Variants in BDP1 observed in about 807,000 individuals in gnomAD.
The protein encoded by BDP1 is transcription factor TFIIIB component B'' homolog.
In BDP1, 169 loss-of-function variants were observed where a neutral mutation model predicts 266.6. The observed-to-expected ratio is 0.63, with a 90% confidence interval of 0.56 to 0.72. BDP1 has a LOEUF of 0.72. Among genes scored for constraint, BDP1 ranks in the 30% least tolerant of loss-of-function variants. The probability of loss-of-function intolerance (pLI) is 0.00; values close to 1 mark genes in which losing one functional copy is unlikely to be tolerated. For synonymous variants in BDP1, 1,090 were observed against 1,022.4 expected (o/e 1.07, Z -1.26); for missense variants, 3,015 against 3,053.8 (o/e 0.99, Z 0.30).
chr5:71,463,923 G>A (rs1344330206), intron 3 of BDP1, 135 bp from the exon 4 acceptor site: 7 of 554,918 alleles, frequency 1.3e-5, no homozygotes, highest in Non-Finnish European at 2.2e-5. Context: ...TTGTTGGATT[G>A]TACTGTCATT....
At chr5:71,525,407 C>T in intron 25 of BDP1, among the ~76,000 whole-genome samples, 1 of 135,946 alleles carries the variant, frequency 7.4e-6, no homozygotes, top group Non-Finnish European at 1.6e-5. Flanking sequence ...CCCCCCACCT[C>T]CCTCCCGGAC....
intron 4 of BDP1, among the ~76,000 whole-genome samples, chr5:71,464,726 T>TTTG (rs1231779707): frequency 2.9e-5 from 4 of 138,764 alleles, no homozygotes; most frequent in Non-Finnish European, 6.3e-5. Flanking sequence ...TTTTTTTTTT[T>TTTG]TTTTTTTTTT....
At chr5:71,553,598 G>A (rs1017301114) in intron 35 of BDP1, among the ~76,000 whole-genome samples, 1 of 152,154 alleles carries the variant, frequency 6.6e-6, no homozygotes, top group African/African-American at 2.4e-5. Context: ...TATATGTCTG[G>A]ATCTTGGCTC....
downstream of BDP1, among the ~76,000 whole-genome samples, chr5:71,572,748 G>A (rs1281310350): frequency 6.6e-6 from 1 of 152,178 alleles, no homozygotes; most frequent in African/African-American, 2.4e-5. Context: ...GGAAGATTGG[G>A]ACAGAGCAGG....
At chr5:71,525,781 G>A (rs867901550) in intron 25 of BDP1, among the ~76,000 whole-genome samples, 140 of 151,880 alleles carry the variant, frequency 9.2e-4, no homozygotes, top group African/African-American at 3.2e-3. Context: ...GGGCAGAGAC[G>A]CTCCTCACTT....
intron 38 of BDP1, 62 bp downstream of exon 38, chr5:71,562,582 A>G: frequency 6.5e-7 from 1 of 1,546,702 alleles, no homozygotes; most frequent in Non-Finnish European, 8.8e-7. Flanking sequence ...AGATTCAACT[A>G]GGGAAAACAT....
chr5:71,575,876 T>G, the BDP1 span, among the ~76,000 whole-genome samples: 1 of 152,198 alleles, frequency 6.6e-6, no homozygotes, highest in African/African-American at 2.4e-5. Flanking sequence ...TTTTGGCCGC[T>G]CCTACAGATC....
intron 22 of BDP1, 77 bp from the exon 23 acceptor site, chr5:71,522,212 T>G: frequency 9.1e-7 from 1 of 1,093,536 alleles, no homozygotes; most frequent in African/African-American, 1.6e-5. Flanking sequence ...GTATCCAAAA[T>G]TGTTTGATGT....
chr5:71,536,569 G>A (rs1766609614), intron 26 of BDP1, among the ~76,000 whole-genome samples: 2 of 152,132 alleles, frequency 1.3e-5, no homozygotes. Flanking sequence ...CAGGCGCGGT[G>A]GCTCATGCCT....
Position 71,510,468 on chromosome 5 carries a change from T to A in BDP1, c.3376T>A (p.Ser1126Thr), listed in dbSNP as rs759876468. ...TDLKATGREI[S>T]PREKTPEVID... is the part of the protein sequence containing the mutation. The stretch of plus-strand genomic sequence containing the variant: ...TTTGAAAGCAACCGGAAGGGAGATT[T>A]CCCCAAGGGAGAAGACACCAGAGGT... Residue 1126 changes from serine to threonine, a missense_variant, in exon 17 of 39, where the codon TCC becomes ACC. This residue lies in a region of BDP1 where 2,383 missense variants were observed against 2,404.9 expected (regional missense o/e 0.99). Transcript: ENST00000358731. 1 of 1,613,194 alleles carries A rather than the reference T, an allele frequency of 6.2e-7. No individual in the cohort carries two copies. The highest frequency in any genetic ancestry group is 8.5e-7 in the Non-Finnish European group (1 of 1,179,838).
chr5:71,553,962 G>A (rs1306487265), intron 35 of BDP1, among the ~76,000 whole-genome samples: 8 of 152,130 alleles, frequency 5.3e-5, no homozygotes, highest in Non-Finnish European at 1.5e-5. Flanking sequence ...GGGAAGTCCG[G>A]CCAGACCATG....
the BDP1 span, among the ~76,000 whole-genome samples, chr5:71,573,531 A>G: frequency 2.6e-5 from 4 of 152,236 alleles, no homozygotes; most frequent in African/African-American, 9.6e-5. Flanking sequence ...AAGGGCGTAC[A>G]GAGCCCATTC....
In BDP1 at chr5:71,564,951, A is replaced by G; in HGVS notation, c.*66A>G. On this transcript the variant is annotated 3_prime_UTR_variant, in exon 39 of 39. Coordinates refer to ENST00000358731, the MANE Select transcript of BDP1 (RefSeq NM_018429.3). ...ATTTCCAGAGTCAATTACATCAACA[A>G]AACAGTATTTAGAGCAAAATATCAC... is the stretch of plus-strand genomic sequence containing the variant. The G allele has an allele frequency of 7.0e-7, 1 of 1,435,342 alleles. No individual in the cohort carries two copies. The highest frequency in any genetic ancestry group is 9.5e-7 in the Non-Finnish European group (1 of 1,056,640). 88.9% of individuals were successfully genotyped at this position (1,435,342 alleles called of 1,614,324 possible).
chr5:71,524,007 C>T lies in BDP1; in HGVS notation c.5456C>T (p.Ser1819Phe). The T allele has an allele frequency of 6.2e-7, 1 of 1,614,138 alleles. No individual in the cohort carries two copies. The highest frequency in any genetic ancestry group is 8.5e-7 in the Non-Finnish European group (1 of 1,179,994). ...IALDGKTTIS[S>F]TSEYERNRGE... Reference sequence around the variant, plus strand: ...CTGGATGGGAAAACAACTATCTCTTCTACATCTGAGTATGAGAGAAATCGT... The same window carrying T: ...CTGGATGGGAAAACAACTATCTCTTTTACATCTGAGTATGAGAGAAATCGT... Residue 1819 changes from serine to phenylalanine, a missense_variant, in exon 25 of 39, where the codon TCT becomes TTT. Ser to Phe is a radical substitution (Grantham distance 155, BLOSUM62 -2). Coordinates refer to ENST00000358731, the MANE Select transcript of BDP1 (RefSeq NM_018429.3).
chr5:71,555,806 C>T (rs192017870), intron 35 of BDP1, among the ~76,000 whole-genome samples: 209 of 152,262 alleles, frequency 1.4e-3, no homozygotes, highest in Admixed American at 4.7e-3. Context: ...CAAACCCATA[C>T]AATTTTCTTC....
chr5:71,551,735 G>T (rs1005960448), intron 34 of BDP1, among the ~76,000 whole-genome samples: 3 of 151,078 alleles, frequency 2.0e-5, no homozygotes, highest in Admixed American at 6.6e-5. Flanking sequence ...GGGCAGAGGT[G>T]CCCCTCACCT....
chr5:71,562,227 TG>T, intron 37 of BDP1, 46 bp from the exon 38 acceptor site: 2 of 1,099,068 alleles, frequency 1.8e-6, no homozygotes, highest in South Asian at 1.8e-5. Flanking sequence ...AAAAAAAGAA[TG>T]TGTCTTCCTG....
chr5:71,506,823 A>ACCCACC (rs1764615526), intron 16 of BDP1, among the ~76,000 whole-genome samples: 3 of 141,726 alleles, frequency 2.1e-5, no homozygotes, highest in Non-Finnish European at 4.6e-5. Context: ...ACACACACAC[A>ACCCACC]CCCATATTTT....
In BDP1 at chr5:71,545,142, C is replaced by G. The variant is rs566014494; in HGVS notation, c.6667C>G (p.Leu2223Val). The change falls in exon 32 of 39, where the codon CTT becomes GTT. Residue 2223 changes from leucine to valine, a missense_variant. Leu to Val is a conservative substitution (Grantham distance 32, BLOSUM62 1). Around this residue, in one of 3 missense-constraint regions of BDP1, gnomAD observed 629 missense variants for 632.5 expected, o/e 0.99. Transcript: ENST00000358731. ...GPCTLGLDRG[L>V]GENSVEEPQI... ...CTGCACACTTGGTTTGGATAGGGGT[C>G]TTGGTGAAAATTCTGTTGAAGAGCC... 1 of 1,613,652 alleles carries G rather than the reference C, an allele frequency of 6.2e-7. No homozygotes were observed. The highest frequency in any genetic ancestry group is 1.1e-5 in the South Asian group (1 of 91,042).
Sources: gnomAD v4.1 joint callset for allele counts (sites outside exome capture counted in the v4.1 genomes callset) on GRCh38, gnomAD v4.1.1 for gene constraint, gnomAD v4.1.1 regional missense constraint, MANE v1.5 for transcripts, NCBI Gene and HGNC (gene_info 2026-07-23, HGNC 2026-07-21) for gene names.